The following ZNF639 variants were observed in gnomAD, a reference collection of about 807,000 sequenced individuals.
ZNF639 encodes zinc finger protein 639, also known as zinc finger amplified in esophageal squamous cell carcinomas 1.
In ZNF639, 20 loss-of-function variants were observed where a neutral mutation model predicts 39.8. That is an observed-to-expected ratio of 0.50 (90% CI 0.35 to 0.73). ZNF639 has a LOEUF of 0.73. Among genes scored for constraint, ZNF639 ranks in the 30% least tolerant of loss-of-function variants. The pLI, the probability that ZNF639 is intolerant of heterozygous loss-of-function variation, is 0.00. For synonymous variants in ZNF639, 176 were observed against 189.8 expected (o/e 0.93, Z 0.60); for missense variants, 477 against 566.2 (o/e 0.84, Z 1.60).
chr3:179,329,295 C>T (rs548273000), intron 3 of ZNF639, among the ~76,000 whole-genome samples: 26 of 152,280 alleles, frequency 1.7e-4, no homozygotes, highest in African/African-American at 6.3e-4. Context: ...GCACACCTTC[C>T]TGGTGTTTAT....
rs905627201 is a variant in ZNF639, at chr3:179,336,525, C to G, written c.*2103C>G. The G allele has an allele frequency of 4.6e-5, 7 of 152,212 alleles. No homozygotes were observed. The highest frequency in any genetic ancestry group is 1.4e-4 in the African/African-American group (6 of 41,458). 9.4% of individuals were successfully genotyped at this position (152,212 alleles called of 1,614,324 possible). A position where few individuals can be genotyped will look rare whatever the true frequency, so the allele number is the denominator to read the frequency against. On this transcript the variant is annotated 3_prime_UTR_variant, in exon 6 of 6. Coordinates refer to ENST00000496856, the MANE Select transcript of ZNF639 (RefSeq NM_001303426.2). ...TCACATTCCATCTAATTATAACATTCCTGTTACGGCTGATAACAAATGTTT... is the reference window on the plus strand; with the variant it reads ...TCACATTCCATCTAATTATAACATTGCTGTTACGGCTGATAACAAATGTTT...
intron 1 of ZNF639, 146 bp from the exon 2 acceptor site, chr3:179,327,415 A>G (rs1006654027): frequency 1.3e-5 from 2 of 152,216 alleles, no homozygotes; most frequent in African/African-American, 2.4e-5. Flanking sequence ...AGTTTTTAGT[A>G]TGTAGTACAT....
At chr3:179,329,254 C>G (rs562523218) in intron 3 of ZNF639, among the ~76,000 whole-genome samples, 2 of 152,276 alleles carry the variant, frequency 1.3e-5, no homozygotes, top group East Asian at 3.9e-4. Flanking sequence ...TACCATTTCC[C>G]CTATGTAACA....
Position 179,323,219 on chromosome 3 carries a change from G to A in ZNF639, c.-155G>A. 3.0e-6 allele frequency: 3 copies of A among 985,148 alleles called. No homozygotes were observed. The highest frequency in any genetic ancestry group is 9.4e-5 in the South Asian group (2 of 21,292). 61.0% of individuals were successfully genotyped at this position (985,148 alleles called of 1,614,324 possible). The stretch of plus-strand genomic sequence containing the variant: ...GTGCGTCCGCGGGAAGGACCGCGCG[G>A]CCCCTCCGCCTGCGCTCTCGGCCGC... On this transcript the variant is annotated 5_prime_UTR_variant, in exon 1 of 6. Coordinates refer to ENST00000496856, the MANE Select transcript of ZNF639 (RefSeq NM_001303426.2).
intron 4 of ZNF639, among the ~76,000 whole-genome samples, chr3:179,331,820 T>C (rs1465483360): frequency 6.7e-6 from 1 of 149,458 alleles, no homozygotes; most frequent in Non-Finnish European, 1.5e-5. Flanking sequence ...TGTTGAAACC[T>C]GATAGAGACT....
chr3:179,331,228 A>T (rs1385491032), intron 4 of ZNF639, among the ~76,000 whole-genome samples: 2 of 152,246 alleles, frequency 1.3e-5, no homozygotes, highest in Non-Finnish European at 2.9e-5. Context: ...GGGACAAAAA[A>T]TTATAACCCA....
intron 4 of ZNF639, among the ~76,000 whole-genome samples, chr3:179,331,153 G>A (rs749121960): frequency 5.3e-5 from 8 of 152,236 alleles, no homozygotes; most frequent in Admixed American, 3.9e-4. Context: ...CACTTGACAG[G>A]GGTATGCCAA....
In ZNF639 at chr3:179,328,381, A is replaced by G. The variant is rs1473199590; in HGVS notation, c.58+30A>G. On this transcript the variant is annotated intron_variant, in intron 3 of 5. Coordinates refer to ENST00000496856, the MANE Select transcript of ZNF639 (RefSeq NM_001303426.2). The stretch of plus-strand genomic sequence containing the variant: ...GTGTATAATTATTTTAAAGTTGGGT[A>G]TGGATTAATTCCCACAAAATTATAT... 6 of 1,472,672 alleles carry G rather than the reference A, an allele frequency of 4.1e-6. No individual in the cohort carries two copies. The Admixed American group carries it at 6.4e-5, about 16-fold the overall frequency. The allele number at this position is 1,472,672 out of a possible 1,614,324, so 91.2% of individuals were successfully genotyped here.
At chr3:179,329,309 A>G (rs1200407964) in intron 3 of ZNF639, among the ~76,000 whole-genome samples, 1 of 151,988 alleles carries the variant, frequency 6.6e-6, no homozygotes, top group Non-Finnish European at 1.5e-5. Flanking sequence ...TGTTTATTTC[A>G]CTGTTTTGTG....
chr3:179,325,514 T>G (rs1727536400), intron 1 of ZNF639, among the ~76,000 whole-genome samples: 2 of 152,208 alleles, frequency 1.3e-5, no homozygotes, highest in South Asian at 4.1e-4. Flanking sequence ...TCAGTAAAAA[T>G]GTAAATGGGT....
intron 4 of ZNF639, among the ~76,000 whole-genome samples, chr3:179,330,607 A>AG (rs1273543681): frequency 6.6e-6 from 1 of 152,228 alleles, no homozygotes; most frequent in East Asian, 1.9e-4. Context: ...TTAGTTGGTT[A>AG]GGAATTGGTG....
In ZNF639 at chr3:179,332,999, T is replaced by C; in HGVS notation, c.180T>C (p.Ser60=). The stretch of plus-strand genomic sequence containing the variant: ...AATCCCTTTTTACAGATGATGATTC[T>C]GATACCGAGACGTCAAATGACTTGC... ...LKYFDNKDDD[S]DTETSNDLPK... is the part of the protein sequence containing the mutation. The change falls in exon 5 of 6, where the codon TCT becomes TCC. Residue 60 remains serine, a synonymous_variant. Transcript: ENST00000496856. 1 of 1,549,280 alleles carries C rather than the reference T, an allele frequency of 6.5e-7. No individual in the cohort carries two copies. The highest frequency in any genetic ancestry group is 8.7e-7 in the Non-Finnish European group (1 of 1,146,604).
At chr3:179,329,595 AAT>A in intron 3 of ZNF639, 21 bp from the exon 4 acceptor site, 1 of 1,406,124 alleles carries the variant, frequency 7.1e-7, no homozygotes, top group African/African-American at 1.4e-5. Flanking sequence ...CTGTACTTGA[AAT>A]ATTTTTCATT....
rs1052051758 is a variant in ZNF639 at position 179,336,582 on chromosome 3, T to C, written c.*2160T>C. 2 of 152,230 alleles carry C rather than the reference T, an allele frequency of 1.3e-5. No homozygotes were observed. Among genetic ancestry groups the C allele is most frequent in the African/African-American group, 2.4e-5 (1 of 41,462 alleles). 9.4% of individuals were successfully genotyped at this position (152,230 alleles called of 1,614,324 possible). On this transcript the variant is annotated 3_prime_UTR_variant, in exon 6 of 6. Transcript: ENST00000496856. ...AGACTTAAAATTGTAACAGTTTAAA[T>C]TGTAAGATAACCTTAGAAAGCATCT...
Position 179,333,487 on chromosome 3 carries a change from C to T in ZNF639, c.523C>T (p.Leu175Phe). 1.9e-6 allele frequency: 3 copies of T among 1,614,170 alleles called. No individual in the cohort carries two copies. The highest frequency in any genetic ancestry group is 2.5e-6 in the Non-Finnish European group (3 of 1,180,028). The stretch of plus-strand genomic sequence containing the variant: ...AACTGATGAAGAACCGCCAGCTAAA[C>T]TTTGTAAAATTCTTGACAAGAGCCA... ...DQTDEEPPAK[L>F]CKILDKSQAL... The change falls in exon 6 of 6, where the codon CTT (leucine) becomes TTT (phenylalanine). Residue 175 changes from leucine to phenylalanine, a missense_variant. Physicochemically the swap from Leu to Phe is conservative, Grantham distance 22 (BLOSUM62 0). Transcript: ENST00000496856.
chr3:179,329,340 A>G (rs575205142), intron 3 of ZNF639, among the ~76,000 whole-genome samples: 5 of 152,156 alleles, frequency 3.3e-5, no homozygotes, highest in Non-Finnish European at 5.9e-5. Context: ...AGTGTTTATC[A>G]TATATTTTTA....
At chr3:179,328,048 A>G in intron 2 of ZNF639, 1 of 331,250 alleles carries the variant, frequency 3.0e-6, no homozygotes, top group Non-Finnish European at 5.5e-6. Flanking sequence ...ACATTTGAAA[A>G]AGAATTTTTT....
chr3:179,323,208 A>C lies in ZNF639; in HGVS notation c.-166A>C. On this transcript the variant is annotated 5_prime_UTR_variant, in exon 1 of 6. Coordinates refer to ENST00000496856, the MANE Select transcript of ZNF639 (RefSeq NM_001303426.2). ...TGCCCGCCGCCGTGCGTCCGCGGGA[A>C]GGACCGCGCGGCCCCTCCGCCTGCG... 2.0e-5 allele frequency: 20 copies of C among 984,746 alleles called. No individual in the cohort carries two copies. The highest frequency in any genetic ancestry group is 2.4e-5 in the Non-Finnish European group (20 of 829,832). The allele number at this position is 984,746 out of a possible 1,614,324, so 61.0% of individuals were successfully genotyped here.
chr3:179,334,531 C>G lies in ZNF639; in HGVS notation c.*109C>G. On this transcript the variant is annotated 3_prime_UTR_variant, in exon 6 of 6. Coordinates refer to ENST00000496856, the MANE Select transcript of ZNF639 (RefSeq NM_001303426.2). ...CACAACTTATGAAATCTGCCTTTAA[C>G]AAGTAACTTTTTTAAATTATAAAAT... 1.3e-6 allele frequency: 1 copy of G among 797,684 alleles called. No individual in the cohort carries two copies. The highest frequency in any genetic ancestry group is 1.8e-6 in the Non-Finnish European group (1 of 558,406). The allele number at this position is 797,684 out of a possible 1,614,324, so 49.4% of individuals were successfully genotyped here.
Sources: allele counts gnomAD v4.1 joint callset (sites outside exome capture counted in the v4.1 genomes callset), GRCh38; gene constraint gnomAD v4.1.1; transcripts MANE v1.5; gene names NCBI Gene and HGNC (gene_info 2026-07-23, HGNC 2026-07-21).